VWA8: variants seen among roughly 807,000 people sequenced by gnomAD.
The protein encoded by VWA8 is von Willebrand factor A domain-containing protein 8.
In VWA8, 221 loss-of-function variants were observed where a neutral mutation model predicts 241.5. That is an observed-to-expected ratio of 0.91 (90% CI 0.82 to 1.02). The LOEUF is 1.02. Among genes scored for constraint, VWA8 ranks in the 50% least tolerant of loss-of-function variants. The probability of loss-of-function intolerance (pLI) is 0.00; values close to 1 mark genes in which losing one functional copy is unlikely to be tolerated. For missense variants in VWA8, 2,322 were observed against 2,328.7 expected (o/e 1.00, Z 0.06); for synonymous variants, 852 against 827.1 (o/e 1.03, Z -0.52).
intron 35 of VWA8, among the ~76,000 whole-genome samples, chr13:41,677,809 T>C (rs993299299): frequency 1.5e-4 from 23 of 152,116 alleles, no homozygotes; most frequent in Admixed American, 1.2e-3. Flanking sequence ...CATCCATCCA[T>C]CTTTTATTAC....
chr13:41,822,759 T>C (rs147027512), intron 14 of VWA8, among the ~76,000 whole-genome samples: 22 of 152,310 alleles, frequency 1.4e-4, no homozygotes, highest in African/African-American at 4.1e-4. Context: ...TACTTTCTGA[T>C]GCTTCTCACC....
chr13:41,616,585 T>G (rs2044621461), intron 37 of VWA8, among the ~76,000 whole-genome samples: 1 of 152,116 alleles, frequency 6.6e-6, no homozygotes. Flanking sequence ...AGCAGTAAAT[T>G]AAAATACATA....
chr13:41,701,295 G>C (rs1410982497), intron 28 of VWA8, 97 bp downstream of exon 28: 1 of 1,377,822 alleles, frequency 7.3e-7, no homozygotes, highest in Non-Finnish European at 9.6e-7. Context: ...CAGACACCAA[G>C]TCTATCATAA....
At chr13:41,771,309 G>A (rs2045821378) in intron 20 of VWA8, among the ~76,000 whole-genome samples, 1 of 152,084 alleles carries the variant, frequency 6.6e-6, no homozygotes, top group African/African-American at 2.4e-5. Context: ...TTTTAGTAGA[G>A]ACAGAGTTTC....
intron 38 of VWA8, among the ~76,000 whole-genome samples, chr13:41,613,442 C>T (rs2044602176): frequency 6.6e-6 from 1 of 152,176 alleles, no homozygotes; most frequent in Admixed American, 6.5e-5. Context: ...TGGGATCTAA[C>T]TCCTTTCCTA....
rs78653914 is a variant in VWA8 at position 41,895,920 on chromosome 13, A to G, written c.484-4333T>C. Among the ~76,000 whole-genome samples the G allele has an allele frequency of 5.1e-3, 768 of 151,606 alleles. 11 individuals are homozygous for G. Among genetic ancestry groups the G allele is most frequent in the African/African-American group, 0.018 (732 of 41,426 alleles). ...AAAAATCTTAATGTAAAAAAAACCA[A>G]TTAGGCAAAGATCCAGTTTCTGACA... On this transcript the variant is annotated intron_variant, in intron 4 of 44. Coordinates refer to ENST00000379310, the MANE Select transcript of VWA8 (RefSeq NM_015058.2).
intron 14 of VWA8, among the ~76,000 whole-genome samples, chr13:41,822,552 A>G (rs1871007407): frequency 6.6e-6 from 1 of 152,192 alleles, no homozygotes; most frequent in Non-Finnish European, 1.5e-5. Context: ...GTTAATGACC[A>G]TCATTGCTAT....
chr13:41,910,871 T>A (rs750121523), intron 3 of VWA8, among the ~76,000 whole-genome samples: 19 of 152,074 alleles, frequency 1.2e-4, no homozygotes, highest in Non-Finnish European at 2.5e-4. Context: ...GTGTACAAGG[T>A]AGATTTCAAT....
At chr13:41,601,879 T>C (rs2044524262) in intron 40 of VWA8, among the ~76,000 whole-genome samples, 1 of 152,124 alleles carries the variant, frequency 6.6e-6, no homozygotes, top group Non-Finnish European at 1.5e-5. Context: ...AGGCTGTGCT[T>C]TGGAAAGTCA....
At chr13:41,802,075 C>A (rs1323384524) in intron 17 of VWA8, among the ~76,000 whole-genome samples, 1 of 152,192 alleles carries the variant, frequency 6.6e-6, no homozygotes, top group African/African-American at 2.4e-5. Context: ...GGTGAGCAAT[C>A]ACAGTACCTG....
At chr13:41,763,308 AATAGATAGATAG>A (rs542268211) in intron 20 of VWA8, among the ~76,000 whole-genome samples, 63 of 145,886 alleles carry the variant, frequency 4.3e-4, no homozygotes, top group African/African-American at 1.2e-3. Context: ...TAAATAAATA[AATAGATAGATAG>A]ATAGATAGAT....
chr13:41,574,684 T>A (rs747569936), intron 43 of VWA8, among the ~76,000 whole-genome samples: 8 of 152,180 alleles, frequency 5.3e-5, no homozygotes, highest in African/African-American at 1.4e-4. Flanking sequence ...ACTAAGGCTA[T>A]AGTTACCAAA....
chr13:41,692,702 G>A (rs779512911), intron 30 of VWA8, among the ~76,000 whole-genome samples, 160 bp downstream of exon 30: 10 of 151,902 alleles, frequency 6.6e-5, no homozygotes, highest in Non-Finnish European at 1.0e-4. Context: ...CATATCTATG[G>A]TTATATATAT....
chr13:41,923,083 C>T (rs1876634887), intron 2 of VWA8, among the ~76,000 whole-genome samples: 1 of 152,192 alleles, frequency 6.6e-6, no homozygotes, highest in South Asian at 2.1e-4. Context: ...GGTACATATA[C>T]ACCATGGAAT....
chr13:41,772,746 C>T (rs1331982415), intron 20 of VWA8, among the ~76,000 whole-genome samples: 1 of 152,148 alleles, frequency 6.6e-6, no homozygotes, highest in African/African-American at 2.4e-5. Flanking sequence ...AAGGGGCAGG[C>T]TACTTTATTT....
chr13:41,892,276 T>C (rs1874882546), intron 4 of VWA8, among the ~76,000 whole-genome samples: 1 of 152,228 alleles, frequency 6.6e-6, no homozygotes, highest in Non-Finnish European at 1.5e-5. Flanking sequence ...CCTTTAACTA[T>C]AGGTCCTTAA....
intron 37 of VWA8, among the ~76,000 whole-genome samples, chr13:41,638,636 T>C (rs2044774813): frequency 6.6e-6 from 1 of 152,162 alleles, no homozygotes; most frequent in Admixed American, 6.5e-5. Flanking sequence ...TGGAAGTTAC[T>C]TGTGACTTCA....
At chr13:41,824,916 T>G (rs1230384518) in intron 14 of VWA8, among the ~76,000 whole-genome samples, 1 of 151,264 alleles carries the variant, frequency 6.6e-6, no homozygotes, top group Non-Finnish European at 1.5e-5. Flanking sequence ...CTGAGAATGC[T>G]CAGTATATCA....
At chr13:41,572,914 C>T (rs1335981241) in intron 43 of VWA8, among the ~76,000 whole-genome samples, 1 of 147,308 alleles carries the variant, frequency 6.8e-6, no homozygotes, top group Non-Finnish European at 1.5e-5. Context: ...TCGAGACCGG[C>T]CTGGCCGGCA....
Sources: allele counts gnomAD v4.1 joint callset (sites outside exome capture counted in the v4.1 genomes callset), GRCh38; gene constraint gnomAD v4.1.1; transcripts MANE v1.5; gene names NCBI Gene and HGNC (gene_info 2026-07-23, HGNC 2026-07-21).